The following OSBPL10 variants were observed in gnomAD, a reference collection of about 807,000 sequenced individuals.
The protein encoded by OSBPL10 is oxysterol-binding protein-related protein 10.
Under a neutral mutation model 81.7 loss-of-function variants are expected in OSBPL10, and 49 were observed. That is an observed-to-expected ratio of 0.60 (90% CI 0.48 to 0.76). The LOEUF is 0.76. OSBPL10 is among the 30% of genes least tolerant of loss of function. The pLI is 0.00. For missense variants in OSBPL10, 923 were observed against 987.8 expected, an observed-to-expected ratio of 0.93 and a Z score of 0.88; for synonymous variants, 419 against 383.6, an observed-to-expected ratio of 1.09 and a Z score of -1.08.
chr3:31,779,403 G>A (rs1342789287), intron 4 of OSBPL10, among the ~76,000 whole-genome samples: 2 of 152,142 alleles, frequency 1.3e-5, no homozygotes, highest in Non-Finnish European at 2.9e-5. Flanking sequence ...CACCAAAAGT[G>A]AGCAGGAATT....
intron 4 of OSBPL10, among the ~76,000 whole-genome samples, chr3:31,766,371 A>G (rs932324676): frequency 1.5e-5 from 2 of 134,864 alleles, no homozygotes; most frequent in East Asian, 4.3e-4. Context: ...ACACGGTCTC[A>G]CTTCATCACC....
At chr3:31,922,045 A>G (rs1372438208) in intron 1 of OSBPL10, among the ~76,000 whole-genome samples, 2 of 152,348 alleles carry the variant, frequency 1.3e-5, no homozygotes, top group East Asian at 3.9e-4. Context: ...GTCATCAAAA[A>G]CAACGGAATT....
At chr3:31,988,412 T>A (rs763742262) in intron 2 of OSBPL10, among the ~76,000 whole-genome samples, 42 of 152,014 alleles carry the variant, frequency 2.8e-4, no homozygotes, top group Non-Finnish European at 5.3e-4. Context: ...TATAAAAAAA[T>A]TTGTGGCCAG....
chr3:31,990,698 G>T lies in OSBPL10; in HGVS notation n.298+55793C>A, dbSNP rs761940384. 2.5e-6 allele frequency: 4 copies of T among 1,613,992 alleles called. No individual in the cohort carries two copies. In the Admixed American group the frequency reaches 6.7e-5, roughly 27 times the overall value. ...CATACTGGAGAGAAACCTTACAAAT[G>T]TGAAGAATGTGACACAGTTTTCAGT... On this transcript the variant is annotated intron_variant and non_coding_transcript_variant, in intron 2 of 3. Transcript: ENST00000479173.
chr3:32,061,428 T>C (rs1699753229), intron 1 of OSBPL10, among the ~76,000 whole-genome samples: 1 of 92,704 alleles, frequency 1.1e-5, no homozygotes, highest in Non-Finnish European at 2.9e-5. Flanking sequence ...TATGATAAAA[T>C]ACTTCATGGG....
chr3:31,943,285 T>G (rs1697587416), intron 1 of OSBPL10, among the ~76,000 whole-genome samples: 1 of 152,230 alleles, frequency 6.6e-6, no homozygotes, highest in African/African-American at 2.4e-5. Context: ...TGTTTCCATT[T>G]TTGAATCTTG....
At chr3:31,798,228 T>C (rs1699287181) in intron 4 of OSBPL10, among the ~76,000 whole-genome samples, 2 of 152,146 alleles carry the variant, frequency 1.3e-5, no homozygotes, top group South Asian at 4.2e-4. Flanking sequence ...GTCAGGAGTT[T>C]GAGACCAGCT....
intron 5 of OSBPL10, among the ~76,000 whole-genome samples, chr3:31,739,404 G>T (rs1281386868): frequency 6.6e-6 from 1 of 152,172 alleles, no homozygotes; most frequent in African/African-American, 2.4e-5. Flanking sequence ...CTCTGCTACA[G>T]ATTGAATGTC....
intron 4 of OSBPL10, among the ~76,000 whole-genome samples, chr3:31,828,377 T>C (rs72850514): frequency 0.024 from 3,591 of 152,278 alleles, 131 homozygotes; most frequent in African/African-American, 0.082. Flanking sequence ...AGGTGATGGA[T>C]ATAGGGTTGC....
chr3:31,791,517 T>C (rs1224296680), intron 4 of OSBPL10, among the ~76,000 whole-genome samples: 1 of 152,204 alleles, frequency 6.6e-6, no homozygotes, highest in East Asian at 1.9e-4. Context: ...AATTCAGTCT[T>C]ATGCCCCAGA....
intron 1 of OSBPL10, among the ~76,000 whole-genome samples, chr3:31,885,438 C>T (rs574447357): frequency 1.4e-4 from 22 of 152,314 alleles, no homozygotes; most frequent in African/African-American, 5.3e-4. Context: ...CACTCGTTCA[C>T]ACCCACACAC....
At position 31,743,190 on chromosome 3, in the gene OSBPL10, G is replaced by A. The variant is rs112019314; in HGVS notation, c.940+4720C>T. Among the ~76,000 whole-genome samples the A allele has an allele frequency of 5.9e-3, 893 of 151,768 alleles. 9 individuals carry two copies. The highest frequency in any genetic ancestry group is 0.02 in the African/African-American group (838 of 41,392). On this transcript the variant is annotated intron_variant, in intron 5 of 11. Transcript: ENST00000396556. ...TGAGTAGCTGAGATTACAGGTGCCC[G>A]CCACGACGCCCAGATAATTTTTGTA...
chr3:31,682,843 C>G (rs749434725), intron 8 of OSBPL10, among the ~76,000 whole-genome samples: 1 of 152,152 alleles, frequency 6.6e-6, no homozygotes, highest in Non-Finnish European at 1.5e-5. Flanking sequence ...CTAGTAGGTG[C>G]TCAATAAAAA....
At chr3:32,014,993 T>C (rs1699300176) in intron 2 of OSBPL10, among the ~76,000 whole-genome samples, 1 of 152,160 alleles carries the variant, frequency 6.6e-6, no homozygotes, top group African/African-American at 2.4e-5. Flanking sequence ...ATAGGAAGAA[T>C]CAATATCGTG....
intron 5 of OSBPL10, among the ~76,000 whole-genome samples, chr3:31,744,992 A>G (rs1054012476): frequency 6.6e-6 from 1 of 152,200 alleles, no homozygotes; most frequent in Non-Finnish European, 1.5e-5. Context: ...CTCACTCCGA[A>G]TTTGTGCCCA....
chr3:32,071,042 G>T (rs1699825019), intron 1 of OSBPL10, among the ~76,000 whole-genome samples: 1 of 152,074 alleles, frequency 6.6e-6, no homozygotes, highest in African/African-American at 2.4e-5. Flanking sequence ...ATATATTGAT[G>T]ACCTTCTACT....
intron 1 of OSBPL10, among the ~76,000 whole-genome samples, chr3:32,054,672 CG>C (rs1699694424): frequency 6.6e-6 from 1 of 151,444 alleles, no homozygotes; most frequent in Admixed American, 6.6e-5. Flanking sequence ...GCTGGGATTA[CG>C]GGGGCGGGCC....
intron 4 of OSBPL10, among the ~76,000 whole-genome samples, chr3:31,781,119 T>A (rs956393308): frequency 1.3e-5 from 2 of 152,134 alleles, no homozygotes; most frequent in Non-Finnish European, 2.9e-5. Flanking sequence ...TACATAATGA[T>A]CAACTGGGTT....
At chr3:31,898,116 G>A (rs189008094) in intron 1 of OSBPL10, among the ~76,000 whole-genome samples, 7 of 149,722 alleles carry the variant, frequency 4.7e-5, no homozygotes, top group African/African-American at 1.7e-4. Context: ...GGAAGATCTT[G>A]TTGACATTTT....
Sources: allele counts gnomAD v4.1 joint callset (sites outside exome capture counted in the v4.1 genomes callset), GRCh38; gene constraint gnomAD v4.1.1; transcripts MANE v1.5; gene names NCBI Gene and HGNC (gene_info 2026-07-23, HGNC 2026-07-21).